Variants in USP32 observed in about 807,000 individuals in gnomAD.
The protein encoded by USP32 is ubiquitin specific peptidase 32.
Under a neutral mutation model 204.8 loss-of-function variants are expected in USP32, and 59 were observed. That is an observed-to-expected ratio of 0.29 (90% CI 0.23 to 0.36). The LOEUF is 0.36. Among genes scored for constraint, USP32 ranks in the 10% least tolerant of loss-of-function variants. The pLI is 1.00. For missense variants in USP32, 1,160 were observed against 1,946.4 expected (o/e 0.60, Z 7.60); for synonymous variants, 517 against 678.4 (o/e 0.76, Z 3.70).
chr17:60,349,596 A>AAAAAAAAAT (rs1555618242), intron 1 of USP32, among the ~76,000 whole-genome samples: 14 of 65,202 alleles, frequency 2.1e-4, no homozygotes, highest in South Asian at 5.4e-4. Context: ...AAAAAAAAAA[A>AAAAAAAAAT]ATATATATAT....
At chr17:60,179,694 T>C (rs752823629) in intron 33 of USP32, among the ~76,000 whole-genome samples, 3 of 152,210 alleles carry the variant, frequency 2.0e-5, no homozygotes, top group Non-Finnish European at 4.4e-5. Context: ...TTTTTTGAGA[T>C]GGAGTCTCGC....
At chr17:60,263,310 A>G (rs2086501190) in intron 9 of USP32, among the ~76,000 whole-genome samples, 1 of 152,190 alleles carries the variant, frequency 6.6e-6, no homozygotes, top group Admixed American at 6.5e-5. Context: ...CAAACTATCC[A>G]AGGGTAACAT....
chr17:60,387,952 C>T (rs115186291), intron 1 of USP32, among the ~76,000 whole-genome samples: 106 of 152,182 alleles, frequency 7.0e-4, no homozygotes, highest in African/African-American at 2.1e-3. Flanking sequence ...TCTGCACCAT[C>T]GTAAAGTTAA....
At chr17:60,243,066 C>T (rs532254191) in intron 11 of USP32, among the ~76,000 whole-genome samples, 12 of 152,276 alleles carry the variant, frequency 7.9e-5, no homozygotes, top group Non-Finnish European at 1.2e-4. Context: ...ACAAGTCTTG[C>T]ACTTCTTTTG....
chr17:60,329,481 T>A (rs1449083097), intron 2 of USP32, among the ~76,000 whole-genome samples: 1 of 136,772 alleles, frequency 7.3e-6, no homozygotes, highest in Non-Finnish European at 1.5e-5. Context: ...TTTTTATTTA[T>A]TTTTTTTTTT....
intron 5 of USP32, among the ~76,000 whole-genome samples, chr17:60,282,290 T>C (rs997553184): frequency 2.0e-5 from 3 of 152,236 alleles, no homozygotes; most frequent in African/African-American, 7.2e-5. Flanking sequence ...CCTTAGAACT[T>C]TGCAACTTTC....
Position 60,222,774 on chromosome 17 carries a change from C to T in USP32, c.1609-225G>A, listed in dbSNP as rs530759028. Among the ~76,000 whole-genome samples, 36 of 151,430 alleles carry T rather than the reference C, an allele frequency of 2.4e-4. No homozygotes were observed. The Middle Eastern group carries it at 0.02, about 86-fold the overall frequency. On this transcript the variant is annotated intron_variant, in intron 14 of 33. Coordinates refer to ENST00000300896, the MANE Select transcript of USP32 (RefSeq NM_032582.4). ...TTCGCTTGCTGCAGCCTCCGCCTCC[C>T]GGGTTCCAGTGATTCTCCTGCCTCA...
intron 27 of USP32, among the ~76,000 whole-genome samples, chr17:60,196,532 T>G (rs2084522814): frequency 6.6e-6 from 1 of 152,182 alleles, no homozygotes; most frequent in Non-Finnish European, 1.5e-5. Flanking sequence ...TTTATTTAAA[T>G]AACTTATTTT....
intron 12 of USP32, 22 bp downstream of exon 12, chr17:60,236,116 A>C: frequency 1.3e-6 from 2 of 1,596,882 alleles, no homozygotes; most frequent in South Asian, 2.2e-5. Flanking sequence ...GAAAAATGTA[A>C]ATAGACAGGA....
chr17:60,201,167 T>C (rs1420803819), intron 26 of USP32, among the ~76,000 whole-genome samples: 1 of 152,184 alleles, frequency 6.6e-6, no homozygotes, highest in Non-Finnish European at 1.5e-5. Context: ...CTAATTCTTT[T>C]GTGTTTGGCT....
At chr17:60,348,023 G>A (rs2088832023) in intron 1 of USP32, among the ~76,000 whole-genome samples, 1 of 151,926 alleles carries the variant, frequency 6.6e-6, no homozygotes, top group Non-Finnish European at 1.5e-5. Flanking sequence ...TTGGGAGGCT[G>A]AGGCAGGAGA....
intron 12 of USP32, among the ~76,000 whole-genome samples, chr17:60,226,942 G>A (rs1371362773): frequency 2.0e-5 from 3 of 150,726 alleles, no homozygotes; most frequent in African/African-American, 7.3e-5. Context: ...TACTCGGGAG[G>A]CTGAGGCAAG....
chr17:60,393,909 C>G (rs904015114), upstream of USP32, among the ~76,000 whole-genome samples: 4 of 152,126 alleles, frequency 2.6e-5, no homozygotes, highest in Admixed American at 2.6e-4. Context: ...TTCTCGAACT[C>G]GCAACCTCAG....
intron 4 of USP32, 132 bp downstream of exon 4, chr17:60,294,551 C>T (rs2087376476): frequency 1.9e-6 from 1 of 538,918 alleles, no homozygotes; most frequent in African/African-American, 1.9e-5. Context: ...TAAATGGAAA[C>T]ATCAATAAAT....
intron 4 of USP32, among the ~76,000 whole-genome samples, chr17:60,290,882 T>C (rs1482684796): frequency 6.6e-6 from 1 of 152,090 alleles, no homozygotes; most frequent in Non-Finnish European, 1.5e-5. Flanking sequence ...TGTCTAGGGG[T>C]CAGTTTTGTG....
In USP32 at chr17:60,292,779, A is replaced by T. The variant is rs1316915807; in HGVS notation, c.411+1904T>A. Among the ~76,000 whole-genome samples, 17 of 131,446 alleles carry T rather than the reference A, an allele frequency of 1.3e-4. 1 individual carries two copies. The highest frequency in any genetic ancestry group is 1.2e-3 in the Admixed American group (16 of 13,148). The allele number at this position is 131,446 out of a possible 152,430, so 86.2% of individuals were successfully genotyped here. ...TAAGATCCAAAGTGATCATGTGTGTAAAAAAAAAAAAAAAGCCTCATATTT... is the reference window on the plus strand; with the variant it reads ...TAAGATCCAAAGTGATCATGTGTGTTAAAAAAAAAAAAAAGCCTCATATTT... On this transcript the variant is annotated intron_variant, in intron 4 of 33. Transcript: ENST00000300896.
At chr17:60,308,752 A>C (rs2145912090) in intron 2 of USP32, among the ~76,000 whole-genome samples, 1 of 152,166 alleles carries the variant, frequency 6.6e-6, no homozygotes, top group South Asian at 2.1e-4. Flanking sequence ...ACATGGCAAA[A>C]CCCTGTCTCT....
chr17:60,195,377 G>A (rs553119593), intron 27 of USP32, among the ~76,000 whole-genome samples: 5 of 152,054 alleles, frequency 3.3e-5, no homozygotes, highest in South Asian at 4.2e-4. Flanking sequence ...TTGCTCTGTC[G>A]CCCAGGCTGG....
intron 1 of USP32, among the ~76,000 whole-genome samples, chr17:60,365,325 A>G (rs2089291432): frequency 6.6e-6 from 1 of 152,026 alleles, no homozygotes; most frequent in Non-Finnish European, 1.5e-5. Flanking sequence ...ATGAAAAAAT[A>G]TAAAAATTAG....
Sources: allele counts gnomAD v4.1 joint callset (sites outside exome capture counted in the v4.1 genomes callset), GRCh38; gene constraint gnomAD v4.1.1; transcripts MANE v1.5; gene names NCBI Gene and HGNC (gene_info 2026-07-23, HGNC 2026-07-21).